CDHR3: variants seen among roughly 807,000 people sequenced by gnomAD.
The protein encoded by CDHR3 is cadherin-related family member 3.
Under a neutral mutation model 86.6 loss-of-function variants are expected in CDHR3, and 79 were observed. The observed-to-expected ratio is 0.91, with a 90% CI of 0.76 to 1.10. The LOEUF is 1.10. Among genes scored for constraint, CDHR3 ranks in the 50% least tolerant of loss-of-function variants. The pLI is 0.00. For synonymous variants in CDHR3, 421 were observed against 402.4 expected (o/e 1.05, Z -0.55); for missense variants, 1,081 against 1,077.6 (o/e 1.00, Z -0.04).
Position 106,030,008 on chromosome 7 carries a change from G to A in CDHR3, c.2305-784G>A, listed in dbSNP as rs922403604. ...AATCCCCATTTCCTCTCTCTTCAGA[G>A]TTGGGGAGTTGTGGGGAACTAGGTA... On this transcript the variant is annotated intron_variant, in intron 17 of 18. Coordinates refer to ENST00000317716, the MANE Select transcript of CDHR3 (RefSeq NM_152750.5). The surrounding 1 kb of genome is among the most constrained non-coding windows in gnomAD (Gnocchi z 4.8). Among the ~76,000 whole-genome samples, 3 of 152,354 alleles carry A rather than the reference G, an allele frequency of 2.0e-5. No homozygotes were observed. Among genetic ancestry groups the A allele is most frequent in the African/African-American group, 7.2e-5 (3 of 41,582 alleles).
rs528729768 is a variant in CDHR3, at chr7:105,994,796, G to A, written c.559G>A (p.Gly187Ser). Reference sequence around the variant, plus strand: ...AAAGAGCTTCAGAATGTCTGCTAATGGCACCCTCTTCTCCACAACAGAATT... The same window carrying A: ...AAAGAGCTTCAGAATGTCTGCTAATAGCACCCTCTTCTCCACAACAGAATT... ...PPKSFRMSAN[G>S]TLFSTTELDF... Residue 187 changes from glycine to serine, a missense_variant, in exon 5 of 19, where the codon GGC becomes AGC. Transcript: ENST00000317716. 1 of 1,612,668 alleles carries A rather than the reference G, an allele frequency of 6.2e-7. No homozygotes were observed. Among genetic ancestry groups the A allele is most frequent in the Non-Finnish European group, 8.5e-7 (1 of 1,179,426 alleles).
Position 106,015,745 on chromosome 7 carries a change from T to A in CDHR3, c.1328-182T>A, listed in dbSNP as rs561515943. ...ACTCTGGGTTCTGTAGTGCTCTGTGTGCTCATGCGCTTATCAAAGGGTGAA... is the reference window on the plus strand; with the variant it reads ...ACTCTGGGTTCTGTAGTGCTCTGTGAGCTCATGCGCTTATCAAAGGGTGAA... On this transcript the variant is annotated intron_variant, in intron 10 of 18. Transcript: ENST00000317716. The A allele has an allele frequency of 5.1e-5, 33 of 647,376 alleles. 1 individual carries two copies. In the South Asian group the frequency reaches 5.3e-4, roughly 10 times the overall value. The allele number at this position is 647,376 out of a possible 1,614,324, so 40.1% of individuals were successfully genotyped here.
Position 106,004,383 on chromosome 7 carries a change from A to G in CDHR3, c.863-115A>G, listed in dbSNP as rs371628377. 3.8e-4 allele frequency: 289 copies of G among 769,656 alleles called. 5 individuals are homozygous for G. The highest frequency in any genetic ancestry group is 3.6e-3 in the South Asian group (197 of 54,100). 47.7% of individuals were successfully genotyped at this position (769,656 alleles called of 1,614,324 possible). On this transcript the variant is annotated intron_variant, in intron 7 of 18. Coordinates refer to ENST00000317716, the MANE Select transcript of CDHR3 (RefSeq NM_152750.5). ...TCAAAAATGTATTTGTATAGAGATT[A>G]TGCTCTGCATAAGCTCTTCCTCATG...
intron 4 of CDHR3, among the ~76,000 whole-genome samples, chr7:105,984,885 C>T (rs766640138): frequency 1.3e-5 from 2 of 151,980 alleles, no homozygotes; most frequent in Non-Finnish European, 2.9e-5. Flanking sequence ...ATAGTGAGAC[C>T]TCGTCTCTAC....
chr7:105,994,908 G>A (rs1563259093), intron 5 of CDHR3, 63 bp downstream of exon 5: 3 of 1,363,412 alleles, frequency 2.2e-6, no homozygotes, highest in Non-Finnish European at 3.1e-6. Context: ...AAACATGAGG[G>A]ATAGGTCACA....
intron 1 of CDHR3, among the ~76,000 whole-genome samples, chr7:105,974,387 C>A (rs1167413704): frequency 6.6e-6 from 1 of 152,176 alleles, no homozygotes; most frequent in African/African-American, 2.4e-5. Flanking sequence ...CAGTCATGCA[C>A]ACTCAATTCT....
chr7:106,018,001 G>A lies in CDHR3; in HGVS notation c.1582G>A (p.Asp528Asn), dbSNP rs534783094. The part of the protein sequence containing the change: ...TGELQLVTKV[D>N]CETTPIYILR... ...AGAACTCCAGCTGGTAACTAAAGTG[G>A]ACTGTGAAACAACCCCCATCTATAT... The change falls in exon 12 of 19, where the codon GAC becomes AAC. Residue 528 changes from aspartate to asparagine, a missense_variant. Coordinates refer to ENST00000317716, the MANE Select transcript of CDHR3 (RefSeq NM_152750.5). 17 of 1,613,908 alleles carry A rather than the reference G, an allele frequency of 1.1e-5. No homozygotes were observed. The South Asian group carries it at 1.6e-4, about 16-fold the overall frequency.
intron 1 of CDHR3, among the ~76,000 whole-genome samples, chr7:105,970,841 A>C (rs983613472): frequency 1.4e-4 from 21 of 152,212 alleles, no homozygotes; most frequent in African/African-American, 4.8e-4. Flanking sequence ...ATTTTGAATT[A>C]AGGTCAGGAG....
chr7:105,965,335 A>C (rs1031138863), intron 1 of CDHR3, among the ~76,000 whole-genome samples: 1 of 152,160 alleles, frequency 6.6e-6, no homozygotes, highest in African/African-American at 2.4e-5. Context: ...TTAGCAGAGC[A>C]TGAAGACGGG....
chr7:106,005,976 G>T (rs555786433), intron 8 of CDHR3, among the ~76,000 whole-genome samples: 2 of 152,116 alleles, frequency 1.3e-5, no homozygotes, highest in Non-Finnish European at 2.9e-5. Flanking sequence ...GTGACTGGGC[G>T]ATTTACAAAA....
At chr7:105,987,280 G>C (rs1302054617) in intron 4 of CDHR3, among the ~76,000 whole-genome samples, 2 of 152,156 alleles carry the variant, frequency 1.3e-5, no homozygotes, top group African/African-American at 2.4e-5. Context: ...GGAGTTGTTT[G>C]GGGAGGGGGT....
At chr7:106,011,731 A>G (rs1475461038) in intron 8 of CDHR3, among the ~76,000 whole-genome samples, 1 of 152,220 alleles carries the variant, frequency 6.6e-6, no homozygotes, top group African/African-American at 2.4e-5. Flanking sequence ...AAGCCCCTCA[A>G]TGAATGGAAG....
chr7:105,982,194 C>T (rs1329374824), intron 3 of CDHR3, among the ~76,000 whole-genome samples: 9 of 152,160 alleles, frequency 5.9e-5, no homozygotes, highest in Non-Finnish European at 1.3e-4. Flanking sequence ...AAAGGCCGGG[C>T]GCGGTGGCTC....
intron 14 of CDHR3, 103 bp downstream of exon 14, chr7:106,022,551 T>TG: frequency 2.0e-6 from 3 of 1,502,212 alleles, no homozygotes; most frequent in Non-Finnish European, 2.7e-6. Context: ...ACTGAAGAGT[T>TG]GAGGTATTAG....
chr7:106,028,181 A>ATAAAATAAAAT (rs1563310292), intron 16 of CDHR3, among the ~76,000 whole-genome samples: 7 of 139,746 alleles, frequency 5.0e-5, no homozygotes, highest in African/African-American at 1.8e-4. Flanking sequence ...ATAAAATAAA[A>ATAAAATAAAAT]GGGCTTGGGA....
At position 106,015,940 on chromosome 7, in the gene CDHR3, T is replaced by A; in HGVS notation, c.1341T>A (p.Val447=). 6 of 1,610,114 alleles carry A rather than the reference T, an allele frequency of 3.7e-6. No individual in the cohort carries two copies. The highest frequency in any genetic ancestry group is 5.1e-6 in the Non-Finnish European group (6 of 1,176,850). ...TTCCATTTTTAGATAACGTCTACGT[T>A]TATATCCTAACAAGCCCAGAAAATG... The part of the protein sequence containing the change: ...APPYYKNNVY[V]YILTSPENEF... The change falls in exon 11 of 19, where the codon GTT becomes GTA. Residue 447 remains valine, a synonymous_variant. Coordinates refer to ENST00000317716, the MANE Select transcript of CDHR3 (RefSeq NM_152750.5).
intron 8 of CDHR3, 47 bp downstream of exon 8, chr7:106,004,734 G>T (rs1326887252): frequency 1.3e-6 from 2 of 1,564,948 alleles, no homozygotes; most frequent in African/African-American, 1.4e-5. Context: ...CTCTTTGGTG[G>T]CCCTCTGCCC....
At chr7:105,982,468 C>CAAA (rs71155496) in intron 3 of CDHR3, among the ~76,000 whole-genome samples, 6 of 111,952 alleles carry the variant, frequency 5.4e-5, no homozygotes, top group African/African-American at 2.3e-4. Flanking sequence ...GACTCTGTCT[C>CAAA]AAAAAAAAAA....
At chr7:105,972,617 A>G (rs1231305791) in intron 1 of CDHR3, among the ~76,000 whole-genome samples, 1 of 152,242 alleles carries the variant, frequency 6.6e-6, no homozygotes, top group Non-Finnish European at 1.5e-5. Context: ...TCAAAGCAAT[A>G]GAGTATTTTG....
Sources: allele counts gnomAD v4.1 joint callset (sites outside exome capture counted in the v4.1 genomes callset), GRCh38; gene constraint gnomAD v4.1.1; non-coding constraint Gnocchi (gnomAD v3.1); transcripts MANE v1.5; gene names NCBI Gene and HGNC (gene_info 2026-07-23, HGNC 2026-07-21).